Variants in UBR3 observed in about 807,000 individuals in gnomAD.
UBR3 encodes the protein E3 ubiquitin-protein ligase UBR3.
Under a neutral mutation model 243.2 loss-of-function variants are expected in UBR3, and 85 were observed. The ratio of observed to expected loss-of-function variants is 0.35; its 90% confidence interval spans 0.29 to 0.42. UBR3 has a LOEUF of 0.42. Among genes scored for constraint, UBR3 ranks in the 10% least tolerant of loss-of-function variants. The pLI is 1.00. For missense variants in UBR3, 1,686 were observed against 2,300.8 expected, an observed-to-expected ratio of 0.73 and a Z score of 5.47; for synonymous variants, 748 against 799.8, an observed-to-expected ratio of 0.94 and a Z score of 1.09.
intron 27 of UBR3, among the ~76,000 whole-genome samples, chr2:170,001,645 C>A (rs2089700637): frequency 6.6e-6 from 1 of 152,040 alleles, no homozygotes; most frequent in Non-Finnish European, 1.5e-5. Flanking sequence ...CCTGTAATCC[C>A]AGCACTGTGG....
intron 30 of UBR3, among the ~76,000 whole-genome samples, chr2:170,028,857 T>A (rs1320651938): frequency 6.6e-6 from 1 of 151,970 alleles, no homozygotes; most frequent in African/African-American, 2.4e-5. Flanking sequence ...ACTTTTTCTT[T>A]ATGTAGAATC....
chr2:169,997,007 AT>A (rs879531907), intron 26 of UBR3, among the ~76,000 whole-genome samples: 32 of 146,846 alleles, frequency 2.2e-4, no homozygotes, highest in African/African-American at 2.2e-4. Context: ...CCTGCTTTGG[AT>A]TTTTTTTTTT....
At chr2:170,006,371 G>T (rs1243772756) in intron 27 of UBR3, among the ~76,000 whole-genome samples, 2 of 152,142 alleles carry the variant, frequency 1.3e-5, no homozygotes, top group African/African-American at 2.4e-5. Context: ...AAGATATGTT[G>T]TTACATTTTT....
At chr2:170,045,647 G>A (rs189822996) in intron 32 of UBR3, among the ~76,000 whole-genome samples, 8 of 152,126 alleles carry the variant, frequency 5.3e-5, no homozygotes, top group Admixed American at 3.3e-4. Flanking sequence ...ATAAACCAAG[G>A]GCTTAAAAAA....
At chr2:169,913,335 GT>G (rs1217787922) in intron 10 of UBR3, among the ~76,000 whole-genome samples, 4 of 140,668 alleles carry the variant, frequency 2.8e-5, no homozygotes, top group Non-Finnish European at 4.7e-5. Flanking sequence ...TCCTTTGCCT[GT>G]TTTTTTTTGT....
chr2:169,928,973 G>C (rs756412108), intron 18 of UBR3, 105 bp downstream of exon 18: 1 of 1,048,088 alleles, frequency 9.5e-7, no homozygotes, highest in Non-Finnish European at 1.2e-6. Flanking sequence ...TTCAAGCTTT[G>C]GTTTTCTTTT....
chr2:169,952,688 C>A, intron 23 of UBR3, among the ~76,000 whole-genome samples: 1 of 150,926 alleles, frequency 6.6e-6, no homozygotes. Flanking sequence ...AATGAGACTC[C>A]ATCTCAAAAA....
chr2:169,869,307 T>C (rs2105308025), intron 1 of UBR3, among the ~76,000 whole-genome samples: 1 of 145,468 alleles, frequency 6.9e-6, no homozygotes. Context: ...CTGCAACCTC[T>C]GCCTCCCGGT....
Position 170,082,782 on chromosome 2 carries a change from G to C in UBR3, c.*939G>C, listed in dbSNP as rs2091927012. The C allele has an allele frequency of 6.6e-6, 1 of 152,166 alleles. No homozygotes were observed. 9.4% of individuals were successfully genotyped at this position (152,166 alleles called of 1,614,324 possible). On this transcript the variant is annotated 3_prime_UTR_variant, in exon 39 of 39. Transcript: ENST00000272793. The stretch of plus-strand genomic sequence containing the variant: ...ATTTTGGAACTTCCTTTCAGCTCAA[G>C]AGGTTCAGCTATATTGTATTTGTGC...
intron 36 of UBR3, chr2:170,077,842 T>C: frequency 3.2e-6 from 1 of 311,466 alleles, no homozygotes; most frequent in Non-Finnish European, 6.0e-6. Flanking sequence ...TACCTTGGCC[T>C]CCCAAAGTTC....
intron 36 of UBR3, among the ~76,000 whole-genome samples, chr2:170,075,262 C>A (rs897172124): frequency 3.3e-5 from 5 of 151,962 alleles, no homozygotes; most frequent in Admixed American, 2.0e-4. Context: ...AAATATCTTC[C>A]TGTCTAGTAA....
chr2:169,921,104 G>A (rs1402770175), intron 11 of UBR3, among the ~76,000 whole-genome samples: 2 of 152,194 alleles, frequency 1.3e-5, no homozygotes, highest in Non-Finnish European at 2.9e-5. Flanking sequence ...AGGCTTGTGA[G>A]AAGGAGGAAG....
chr2:170,075,211 AGG>A (rs1469916728), intron 36 of UBR3, among the ~76,000 whole-genome samples: 1 of 152,090 alleles, frequency 6.6e-6, no homozygotes, highest in Non-Finnish European at 1.5e-5. Context: ...TTAAAAAAAA[AGG>A]GAAATTCAAG....
chr2:170,063,910 G>C (rs937755282), intron 35 of UBR3, among the ~76,000 whole-genome samples: 4 of 152,242 alleles, frequency 2.6e-5, no homozygotes, highest in African/African-American at 9.6e-5. Context: ...TGGAGCCATA[G>C]GATACATTCT....
At chr2:169,928,706 T>C in intron 17 of UBR3, 21 bp from the exon 18 acceptor site, 1 of 1,441,138 alleles carries the variant, frequency 6.9e-7, no homozygotes, top group Non-Finnish European at 9.3e-7. Flanking sequence ...ACTAATATTT[T>C]TTTCTTGACA....
At chr2:169,831,561 A>T (rs1337464493) in intron 1 of UBR3, among the ~76,000 whole-genome samples, 4 of 152,212 alleles carry the variant, frequency 2.6e-5, no homozygotes, top group African/African-American at 9.6e-5. Context: ...ATTGAACAAT[A>T]AACAGTATTG....
intron 25 of UBR3, among the ~76,000 whole-genome samples, chr2:169,992,371 AGAG>A (rs1234560319): frequency 6.6e-6 from 1 of 152,224 alleles, no homozygotes; most frequent in African/African-American, 2.4e-5. Context: ...TCCAAAAAAT[AGAG>A]GAGTGAACAC....
chr2:169,845,078 T>C (rs934624163), intron 1 of UBR3, among the ~76,000 whole-genome samples: 1 of 152,298 alleles, frequency 6.6e-6, no homozygotes, highest in South Asian at 2.1e-4. Flanking sequence ...GTTCAAAATA[T>C]CTTCTATTTT....
intron 1 of UBR3, among the ~76,000 whole-genome samples, chr2:169,845,072 A>C (rs2082422322): frequency 6.6e-6 from 1 of 152,158 alleles, no homozygotes; most frequent in Admixed American, 6.6e-5. Context: ...TATGCAGTTC[A>C]AAATATCTTC....
Sources: gnomAD v4.1 joint callset for allele counts (sites outside exome capture counted in the v4.1 genomes callset) on GRCh38, gnomAD v4.1.1 for gene constraint, MANE v1.5 for transcripts, NCBI Gene and HGNC (gene_info 2026-07-23, HGNC 2026-07-21) for gene names.